Variants in SUGCT observed in about 807,000 individuals in gnomAD.
SUGCT encodes the protein succinyl-CoA:glutarate CoA-transferase.
Under a neutral mutation model 55.0 loss-of-function variants are expected in SUGCT, and 41 were observed. That is an observed-to-expected ratio of 0.74 (90% CI 0.58 to 0.97). SUGCT has a LOEUF of 0.97. Among genes scored for constraint, SUGCT ranks in the 50% least tolerant of loss-of-function variants. The probability of loss-of-function intolerance (pLI) is 0.00; values close to 1 mark genes in which losing one functional copy is unlikely to be tolerated. For missense variants in SUGCT, 568 were observed against 547.8 expected, an observed-to-expected ratio of 1.04 and a Z score of -0.37; for synonymous variants, 187 against 200.4, an observed-to-expected ratio of 0.93 and a Z score of 0.56.
At chr7:40,186,221 C>T (rs1785500875) in intron 3 of SUGCT, among the ~76,000 whole-genome samples, 2 of 132,314 alleles carry the variant, frequency 1.5e-5, no homozygotes, top group East Asian at 2.4e-4. Flanking sequence ...CCCTCCTCTC[C>T]CCTCCCCTCC....
At chr7:40,602,553 G>A (rs1277604668) in intron 12 of SUGCT, among the ~76,000 whole-genome samples, 1 of 152,136 alleles carries the variant, frequency 6.6e-6, no homozygotes, top group Non-Finnish European at 1.5e-5. Flanking sequence ...ACTGCCCTCA[G>A]TATTCCTTCT....
At chr7:40,248,155 G>A (rs1790040131) in intron 7 of SUGCT, among the ~76,000 whole-genome samples, 2 of 151,934 alleles carry the variant, frequency 1.3e-5, no homozygotes, top group East Asian at 1.9e-4. Context: ...GGGATTACAG[G>A]CATGCGCCAC....
intron 12 of SUGCT, among the ~76,000 whole-genome samples, chr7:40,533,788 A>C (rs1214159784): frequency 6.6e-6 from 1 of 152,210 alleles, no homozygotes; most frequent in African/African-American, 2.4e-5. Flanking sequence ...AGTCACACCT[A>C]ATAATGCATC....
chr7:40,250,603 A>G (rs1234572942), intron 7 of SUGCT, among the ~76,000 whole-genome samples: 1 of 152,056 alleles, frequency 6.6e-6, no homozygotes. Flanking sequence ...ACAAACATAA[A>G]TTATTTTATA....
Position 40,591,923 on chromosome 7 carries a change from CTTATT to C in SUGCT, c.1089+95545_1089+95549del, listed in dbSNP as rs930802972. On this transcript the variant is annotated intron_variant, in intron 12 of 13. Transcript: ENST00000335693. The stretch of plus-strand genomic sequence containing the variant: ...ACTGGAAACCACAAAATTCATGTGA[CTTATT>C]TTATTTTGATATTCACTTTATTACA... Among the ~76,000 whole-genome samples the C allele has an allele frequency of 2.6e-5, 4 of 152,098 alleles. No homozygotes were observed. In the East Asian group the frequency reaches 5.8e-4, roughly 22 times the overall value.
intron 1 of SUGCT, among the ~76,000 whole-genome samples, chr7:40,175,254 C>CT (rs1440823273): frequency 6.6e-6 from 1 of 151,496 alleles, no homozygotes; most frequent in East Asian, 1.9e-4. Context: ...GAGTCTCACT[C>CT]TGTCTCCCAG....
chr7:40,512,096 G>A (rs1234977073), intron 12 of SUGCT, among the ~76,000 whole-genome samples: 1 of 152,144 alleles, frequency 6.6e-6, no homozygotes, highest in Non-Finnish European at 1.5e-5. Context: ...TTACCAGAAT[G>A]CAGTTACTCC....
the SUGCT span, among the ~76,000 whole-genome samples, chr7:41,011,728 T>A: frequency 6.6e-6 from 1 of 152,110 alleles, no homozygotes; most frequent in Non-Finnish European, 1.5e-5. Flanking sequence ...CCCACCTCCC[T>A]CCCAATGGAA....
the SUGCT span, among the ~76,000 whole-genome samples, chr7:40,886,220 A>G: frequency 6.6e-6 from 1 of 152,076 alleles, no homozygotes; most frequent in Admixed American, 6.6e-5. Flanking sequence ...TCTAGGCTTC[A>G]TTTTCCTCAT....
At chr7:40,144,296 G>A (rs1161670043) in intron 1 of SUGCT, among the ~76,000 whole-genome samples, 1 of 152,200 alleles carries the variant, frequency 6.6e-6, no homozygotes, top group East Asian at 1.9e-4. Flanking sequence ...ACTTGGTTAT[G>A]TTAATAACTA....
At chr7:40,338,429 T>C (rs1796840391) in intron 9 of SUGCT, among the ~76,000 whole-genome samples, 1 of 152,236 alleles carries the variant, frequency 6.6e-6, no homozygotes, top group Non-Finnish European at 1.5e-5. Flanking sequence ...CCATATTTCT[T>C]GGAGGCTTTG....
At chr7:41,016,309 G>C in the SUGCT span, among the ~76,000 whole-genome samples, 1 of 152,128 alleles carries the variant, frequency 6.6e-6, no homozygotes, top group African/African-American at 2.4e-5. Context: ...AGAGACAGAT[G>C]CATGAATAAA....
Position 40,274,606 on chromosome 7 carries a change from T to C in SUGCT, c.670T>C (p.Tyr224His). ...GAIMAGLIQK[Y>H]KTGKGLFIDC... Reference sequence around the variant, plus strand: ...TATTATGGCTGGATTGATACAAAAATACAAAACTGGGAAAGGACTGTTCAT... The same window carrying C: ...TATTATGGCTGGATTGATACAAAAACACAAAACTGGGAAAGGACTGTTCAT... The change falls in exon 8 of 14, where the codon TAC (tyrosine) becomes CAC (histidine). Residue 224 changes from tyrosine (Y) to histidine (H), a missense_variant. Physicochemically the swap from Tyr to His is moderately conservative, Grantham distance 83. Transcript: ENST00000335693. 1.2e-6 allele frequency: 2 copies of C among 1,613,508 alleles called. No individual in the cohort carries two copies. The highest frequency in any genetic ancestry group is 8.5e-7 in the Non-Finnish European group (1 of 1,179,698).
intron 12 of SUGCT, among the ~76,000 whole-genome samples, chr7:40,526,399 G>C (rs1793799675): frequency 6.6e-6 from 1 of 152,126 alleles, no homozygotes; most frequent in Non-Finnish European, 1.5e-5. Context: ...TTCTCTACTT[G>C]TTACTGATCG....
intron 11 of SUGCT, among the ~76,000 whole-genome samples, chr7:40,491,320 A>G (rs1463286173): frequency 6.6e-6 from 1 of 152,212 alleles, no homozygotes; most frequent in African/African-American, 2.4e-5. Flanking sequence ...GGACTGTGAT[A>G]GTTACAGTGC....
At chr7:40,955,996 T>C in the SUGCT span, among the ~76,000 whole-genome samples, 2 of 152,224 alleles carry the variant, frequency 1.3e-5, no homozygotes, top group Non-Finnish European at 2.9e-5. Context: ...TCATGGTGGA[T>C]AAGCTTTTTA....
chr7:40,172,922 G>A (rs1784744603), intron 1 of SUGCT, among the ~76,000 whole-genome samples: 1 of 152,180 alleles, frequency 6.6e-6, no homozygotes, highest in African/African-American at 2.4e-5. Context: ...CTGATTCTAA[G>A]GAAGGATAGG....
intron 1 of SUGCT, among the ~76,000 whole-genome samples, chr7:40,175,945 A>G (rs1227217962): frequency 6.6e-6 from 1 of 152,124 alleles, no homozygotes; most frequent in Non-Finnish European, 1.5e-5. Context: ...TTTAGTGAGT[A>G]GGCTGGGCGT....
intron 12 of SUGCT, among the ~76,000 whole-genome samples, chr7:40,745,191 G>A (rs572425087): frequency 6.6e-6 from 1 of 152,122 alleles, no homozygotes; most frequent in South Asian, 2.1e-4. Context: ...ACCATTGATG[G>A]TATTACTTTG....
Sources: gnomAD v4.1 joint callset for allele counts (sites outside exome capture counted in the v4.1 genomes callset) on GRCh38, gnomAD v4.1.1 for gene constraint, MANE v1.5 for transcripts, NCBI Gene and HGNC (gene_info 2026-07-23, HGNC 2026-07-21) for gene names.